The following DNAH9 variants were observed in gnomAD, a reference collection of about 807,000 sequenced individuals.
The protein encoded by DNAH9 is dynein axonemal heavy chain 9, also known as DNAH9 variant protein.
A neutral mutation model predicts 471.6 loss-of-function variants in DNAH9; 345 were observed. The ratio of observed to expected loss-of-function variants is 0.73; its 90% CI spans 0.67 to 0.80. The LOEUF is 0.80. Ranked by LOEUF, DNAH9 falls within the 30% of genes least tolerant of loss-of-function variation. DNAH9 has a pLI of 0.00. For missense variants in DNAH9, 5,407 were observed against 5,609.2 expected, an observed-to-expected ratio of 0.96 and a Z score of 1.15; for synonymous variants, 2,093 against 2,123.6, an observed-to-expected ratio of 0.99 and a Z score of 0.40.
chr17:11,934,148 A>C (rs1597845344), intron 65 of DNAH9, 77 bp downstream of exon 65: 1 of 1,482,186 alleles, frequency 6.7e-7, no homozygotes, highest in Non-Finnish European at 9.2e-7. Flanking sequence ...GCCGACCTGC[A>C]CCACCAGGGA....
At chr17:11,831,242 T>C (rs1246789500) in intron 48 of DNAH9, among the ~76,000 whole-genome samples, 7 of 152,148 alleles carry the variant, frequency 4.6e-5, no homozygotes, top group African/African-American at 1.7e-4. Flanking sequence ...ATGGCACCAA[T>C]GTCTGCATCT....
At chr17:11,960,462 A>AT (rs1976024636) in intron 67 of DNAH9, among the ~76,000 whole-genome samples, 1 of 142,928 alleles carries the variant, frequency 7.0e-6, no homozygotes, top group Non-Finnish European at 1.5e-5. Context: ...AAAAAAAAAA[A>AT]TCCAAAAGTG....
chr17:11,942,164 C>A, intron 66 of DNAH9, 139 bp from the exon 67 acceptor site: 2 of 1,205,796 alleles, frequency 1.7e-6, no homozygotes, highest in Non-Finnish European at 2.4e-6. Context: ...GACAAGCAGG[C>A]AAGAGTTTGG....
chr17:11,934,298 A>C (rs1034372347), intron 65 of DNAH9, among the ~76,000 whole-genome samples: 1 of 152,130 alleles, frequency 6.6e-6, no homozygotes, highest in Admixed American at 6.5e-5. Flanking sequence ...TCTAGCCTCA[A>C]ATTAATAATC....
intron 17 of DNAH9, among the ~76,000 whole-genome samples, chr17:11,673,786 T>C (rs1488452642): frequency 6.6e-6 from 1 of 152,132 alleles, no homozygotes; most frequent in Non-Finnish European, 1.5e-5. Flanking sequence ...CCTTGCAAGA[T>C]GTTACTAGGG....
Position 11,689,805 on chromosome 17 carries a change from A to G in DNAH9, c.3983A>G (p.Asn1328Ser), listed in dbSNP as rs758476164. 3 of 1,614,156 alleles carry G rather than the reference A, an allele frequency of 1.9e-6. No individual in the cohort carries two copies. In the South Asian group the frequency reaches 3.3e-5, roughly 18 times the overall value. ...GAGACCACACCCTGGAGGAATATCA[A>G]CGTGGAAGCCATGGAGTTGGAGTGC... Reference protein sequence around the residue: ...AWETTPWRNINVEAMELECKQ... With the variant: ...AWETTPWRNISVEAMELECKQ... The change falls in exon 20 of 69, where the codon AAC (asparagine) becomes AGC (serine). Residue 1328 changes from asparagine (N) to serine (S), a missense_variant. This residue lies in a region of DNAH9 where 4,636 missense variants were observed against 4,900.3 expected (regional missense o/e 0.95). Transcript: ENST00000262442.
chr17:11,644,169 G>A (rs991136715), intron 10 of DNAH9, among the ~76,000 whole-genome samples: 1 of 152,128 alleles, frequency 6.6e-6, no homozygotes, highest in African/African-American at 2.4e-5. Context: ...ATTTTTCAGC[G>A]TCATTAAAAT....
intron 50 of DNAH9, among the ~76,000 whole-genome samples, chr17:11,860,567 GTTGT>G (rs2150976461): frequency 6.6e-6 from 1 of 151,498 alleles, no homozygotes; most frequent in South Asian, 2.1e-4. Flanking sequence ...TTTGTTGTTT[GTTGT>G]TTTTTTTTTG....
intron 39 of DNAH9, among the ~76,000 whole-genome samples, chr17:11,781,391 G>A (rs985145446): frequency 2.0e-5 from 3 of 152,206 alleles, no homozygotes; most frequent in Non-Finnish European, 2.9e-5. Flanking sequence ...TTTAGCCAGA[G>A]AAGACACTGA....
intron 49 of DNAH9, among the ~76,000 whole-genome samples, chr17:11,850,022 A>G (rs1971362074): frequency 6.6e-6 from 1 of 152,166 alleles, no homozygotes; most frequent in Non-Finnish European, 1.5e-5. Flanking sequence ...TGAAGCTTAT[A>G]CTCTAGCAGA....
intron 41 of DNAH9, among the ~76,000 whole-genome samples, chr17:11,791,973 G>A (rs572391835): frequency 6.6e-6 from 1 of 152,250 alleles, no homozygotes; most frequent in African/African-American, 2.4e-5. Context: ...GGTTTTATGG[G>A]AAGTAGTGGT....
At chr17:11,857,828 C>A (rs1319961474) in intron 50 of DNAH9, among the ~76,000 whole-genome samples, 1 of 152,092 alleles carries the variant, frequency 6.6e-6, no homozygotes, top group African/African-American at 2.4e-5. Context: ...CACCTGCCCC[C>A]CGCAACTCCC....
chr17:11,861,722 T>C (rs202106198), intron 50 of DNAH9, among the ~76,000 whole-genome samples: 1 of 151,996 alleles, frequency 6.6e-6, no homozygotes, highest in Non-Finnish European at 1.5e-5. Flanking sequence ...CCATTCTAAC[T>C]GGTGTGAGAT....
chr17:11,946,270 A>T (rs1975120359), intron 67 of DNAH9, among the ~76,000 whole-genome samples: 1 of 151,748 alleles, frequency 6.6e-6, no homozygotes, highest in South Asian at 2.1e-4. Context: ...AAACTTGAAC[A>T]GCTTCACATC....
intron 63 of DNAH9, among the ~76,000 whole-genome samples, chr17:11,931,440 C>A (rs1659509376): frequency 6.6e-6 from 1 of 152,196 alleles, no homozygotes; most frequent in African/African-American, 2.4e-5. Context: ...GACCATGTAA[C>A]AGTCAGAGTC....
At chr17:11,712,189 T>C (rs2074878361) in intron 26 of DNAH9, among the ~76,000 whole-genome samples, 1 of 142,674 alleles carries the variant, frequency 7.0e-6, no homozygotes, top group Non-Finnish European at 1.5e-5. Context: ...ATTTATAATA[T>C]AAATTTAAAT....
intron 62 of DNAH9, among the ~76,000 whole-genome samples, chr17:11,924,206 C>A (rs1292564362): frequency 6.6e-6 from 1 of 152,182 alleles, no homozygotes; most frequent in Non-Finnish European, 1.5e-5. Context: ...AAACAGATTC[C>A]CACTCTAATA....
At chr17:11,765,557 C>T (rs1198826881) in intron 36 of DNAH9, among the ~76,000 whole-genome samples, 1 of 152,226 alleles carries the variant, frequency 6.6e-6, no homozygotes, top group African/African-American at 2.4e-5. Context: ...CTCTCGCAGG[C>T]TCTCAGGAAG....
chr17:11,923,720 G>C, intron 61 of DNAH9, 94 bp from the exon 62 acceptor site: 2 of 1,507,076 alleles, frequency 1.3e-6, no homozygotes, highest in Non-Finnish European at 1.8e-6. Flanking sequence ...GCCCGTGTTT[G>C]AGGGGTGATC....
Sources: gnomAD v4.1 joint callset for allele counts (sites outside exome capture counted in the v4.1 genomes callset) on GRCh38, gnomAD v4.1.1 for gene constraint, gnomAD v4.1.1 regional missense constraint, MANE v1.5 for transcripts, NCBI Gene and HGNC (gene_info 2026-07-23, HGNC 2026-07-21) for gene names.